Variants in DGKI observed in about 807,000 individuals in gnomAD.
The protein encoded by DGKI is DAG kinase iota.
DGKI carries 55 observed loss-of-function variants against 147.5 expected under a neutral mutation model. That is an observed-to-expected ratio of 0.37 (90% confidence interval 0.30 to 0.47). The LOEUF is 0.47. Among genes scored for constraint, DGKI ranks in the 20% least tolerant of loss-of-function variants. The probability of loss-of-function intolerance (pLI) is 1.00; values close to 1 mark genes in which losing one functional copy is unlikely to be tolerated. For missense variants in DGKI, 1,007 were observed against 1,323.8 expected (o/e 0.76, Z 3.71); for synonymous variants, 469 against 477.1 (o/e 0.98, Z 0.22).
intron 1 of DGKI, among the ~76,000 whole-genome samples, chr7:137,788,264 C>T (rs1192328899): frequency 6.6e-6 from 1 of 152,078 alleles, no homozygotes; most frequent in Non-Finnish European, 1.5e-5. Context: ...TTCCAGCTGC[C>T]TACTGGACGG....
intron 27 of DGKI, 150 bp downstream of exon 27, chr7:137,463,339 G>A (rs891829434): frequency 8.9e-7 from 1 of 1,124,672 alleles, no homozygotes; most frequent in Admixed American, 2.3e-5. Context: ...TGAGCAAGGT[G>A]CATGGAATGA....
rs1384751764 is a variant in DGKI, at chr7:137,758,987, G to C, written c.402-68985C>G. Among the ~76,000 whole-genome samples, 7 of 151,940 alleles carry C rather than the reference G, an allele frequency of 4.6e-5. No homozygotes were observed. In the South Asian group the frequency reaches 6.3e-4, roughly 14 times the overall value. Reference sequence around the variant, plus strand: ...TTTTAAATTTTATTTTAGATGCAGGGGATACATGCGCATGCTTGTTACATG... The same window carrying C: ...TTTTAAATTTTATTTTAGATGCAGGCGATACATGCGCATGCTTGTTACATG... On this transcript the variant is annotated intron_variant, in intron 1 of 32. Coordinates refer to ENST00000614521, the MANE Select transcript of DGKI (RefSeq NM_001321708.2).
chr7:137,648,852 T>TA (rs1190385444), intron 5 of DGKI, among the ~76,000 whole-genome samples: 2 of 152,194 alleles, frequency 1.3e-5, no homozygotes, highest in Non-Finnish European at 2.9e-5. Flanking sequence ...AAAGAACATT[T>TA]AAAAATTATT....
intron 27 of DGKI, among the ~76,000 whole-genome samples, chr7:137,445,456 T>C (rs1425414618): frequency 6.6e-6 from 1 of 152,180 alleles, no homozygotes; most frequent in Non-Finnish European, 1.5e-5. Flanking sequence ...CAACACTGCC[T>C]GAGAAGCACC....
chr7:137,606,112 T>C (rs927529596), intron 10 of DGKI, among the ~76,000 whole-genome samples: 1 of 152,064 alleles, frequency 6.6e-6, no homozygotes, highest in African/African-American at 2.4e-5. Flanking sequence ...GAAAAAAAAT[T>C]AAAGAGTTTT....
At chr7:137,542,217 C>T (rs1333944338) in intron 20 of DGKI, among the ~76,000 whole-genome samples, 2 of 152,066 alleles carry the variant, frequency 1.3e-5, no homozygotes, top group Non-Finnish European at 2.9e-5. Context: ...CAGTTTCTTA[C>T]GAAGGTGAAC....
At chr7:137,761,840 C>T (rs1426694417) in intron 1 of DGKI, among the ~76,000 whole-genome samples, 2 of 152,128 alleles carry the variant, frequency 1.3e-5, no homozygotes, top group African/African-American at 4.8e-5. Flanking sequence ...TGTATATCTC[C>T]ACCTCAATGT....
chr7:137,510,171 T>C (rs753708339), intron 21 of DGKI, among the ~76,000 whole-genome samples: 13 of 152,218 alleles, frequency 8.5e-5, no homozygotes, highest in Non-Finnish European at 1.3e-4. Context: ...CCAGACCAAA[T>C]AGTGCTATGA....
At chr7:137,521,337 T>G (rs541622089) in intron 21 of DGKI, among the ~76,000 whole-genome samples, 1 of 152,184 alleles carries the variant, frequency 6.6e-6, no homozygotes, top group East Asian at 1.9e-4. Context: ...TCGACTCAAG[T>G]GCAGGTTTCA....
At chr7:137,719,373 A>G (rs1794477694) in intron 1 of DGKI, among the ~76,000 whole-genome samples, 1 of 152,100 alleles carries the variant, frequency 6.6e-6, no homozygotes, top group African/African-American at 2.4e-5. Flanking sequence ...GCATTTGGTC[A>G]ACAGATCAGA....
intron 21 of DGKI, among the ~76,000 whole-genome samples, chr7:137,505,201 A>AAAAAG (rs755021735): frequency 2.0e-5 from 3 of 152,288 alleles, no homozygotes; most frequent in Non-Finnish European, 4.4e-5. Flanking sequence ...AAATTTCTGA[A>AAAAAG]AAAAGAAAAG....
At chr7:137,553,080 T>C (rs1196688227) in intron 19 of DGKI, among the ~76,000 whole-genome samples, 1 of 152,200 alleles carries the variant, frequency 6.6e-6, no homozygotes, top group Non-Finnish European at 1.5e-5. Flanking sequence ...TTTGACGAGC[T>C]TTACCATAAA....
At chr7:137,773,618 C>CTCACA (rs1342183105) in intron 1 of DGKI, among the ~76,000 whole-genome samples, 1 of 152,094 alleles carries the variant, frequency 6.6e-6, no homozygotes, top group Non-Finnish European at 1.5e-5. Context: ...GTTGGCAGGA[C>CTCACA]TCACATCTAT....
chr7:137,634,854 T>C (rs935324034), intron 6 of DGKI, among the ~76,000 whole-genome samples: 3 of 152,144 alleles, frequency 2.0e-5, no homozygotes, highest in African/African-American at 2.4e-5. Context: ...ACAGGAATAA[T>C]AAGAAATCCT....
intron 28 of DGKI, among the ~76,000 whole-genome samples, chr7:137,431,272 T>C (rs1030957722): frequency 6.6e-6 from 1 of 151,256 alleles, no homozygotes; most frequent in Admixed American, 6.6e-5. Context: ...TCTCAATGGC[T>C]GAAACAATTG....
chr7:137,473,486 T>A (rs1426179415), intron 23 of DGKI, among the ~76,000 whole-genome samples: 1 of 152,156 alleles, frequency 6.6e-6, no homozygotes, highest in East Asian at 1.9e-4. Context: ...CAAAGTGATC[T>A]GAGATTTCCA....
At chr7:137,641,461 T>A (rs1357187072) in intron 6 of DGKI, among the ~76,000 whole-genome samples, 1 of 152,084 alleles carries the variant, frequency 6.6e-6, no homozygotes, top group Non-Finnish European at 1.5e-5. Context: ...AAGTGGAAAA[T>A]TTCACACCTG....
intron 27 of DGKI, among the ~76,000 whole-genome samples, chr7:137,451,479 A>G (rs1813952876): frequency 6.6e-6 from 1 of 152,214 alleles, no homozygotes; most frequent in Non-Finnish European, 1.5e-5. Flanking sequence ...AAAGCCTTTT[A>G]TCTTTCTAGT....
intron 28 of DGKI, among the ~76,000 whole-genome samples, chr7:137,431,865 TTACTCAGAATGA>T (rs919153939): frequency 6.6e-6 from 1 of 152,114 alleles, no homozygotes; most frequent in African/African-American, 2.4e-5. Flanking sequence ...AAAGTTGCAA[TTACTCAGAATGA>T]TACAAGTTGA....
Sources: gnomAD v4.1 joint callset for allele counts (sites outside exome capture counted in the v4.1 genomes callset) on GRCh38, gnomAD v4.1.1 for gene constraint, MANE v1.5 for transcripts, NCBI Gene and HGNC (gene_info 2026-07-23, HGNC 2026-07-21) for gene names.